The following RIMS2 variants were observed in gnomAD, a reference collection of about 807,000 sequenced individuals.
RIMS2 encodes the protein regulating synaptic membrane exocytosis 2.
In RIMS2, 59 loss-of-function variants were observed where a neutral mutation model predicts 174.4. The ratio of observed to expected loss-of-function variants is 0.34; its 90% confidence interval spans 0.27 to 0.42. The LOEUF is 0.42. Ranked by LOEUF, RIMS2 falls within the 10% of genes least tolerant of loss-of-function variation. The pLI is 1.00. For missense variants in RIMS2, 1,620 were observed against 1,666.3 expected, an observed-to-expected ratio of 0.97 and a Z score of 0.48; for synonymous variants, 606 against 572.5, an observed-to-expected ratio of 1.06 and a Z score of -0.84.
At chr8:104,100,619 C>A (rs559218994) in intron 19 of RIMS2, among the ~76,000 whole-genome samples, 1 of 151,542 alleles carries the variant, frequency 6.6e-6, no homozygotes. Flanking sequence ...GCTACTCATC[C>A]ATTTTAGAAT....
chr8:103,841,152 G>C (rs1421992488), intron 3 of RIMS2, among the ~76,000 whole-genome samples: 1 of 152,098 alleles, frequency 6.6e-6, no homozygotes, highest in East Asian at 1.9e-4. Context: ...CCTTAATGCT[G>C]CTGTTTAGGA....
intron 10 of RIMS2, among the ~76,000 whole-genome samples, chr8:103,922,929 G>A (rs1565335353): frequency 6.6e-6 from 1 of 151,782 alleles, no homozygotes; most frequent in African/African-American, 2.4e-5. Flanking sequence ...AGTTATGTAA[G>A]GAATATGTGA....
At chr8:103,546,797 C>T (rs1845327538) in intron 1 of RIMS2, among the ~76,000 whole-genome samples, 1 of 152,208 alleles carries the variant, frequency 6.6e-6, no homozygotes, top group South Asian at 2.1e-4. Flanking sequence ...GAGTCCCTGA[C>T]TCCCAGCCCC....
chr8:103,794,599 A>G (rs1351411263), intron 3 of RIMS2, among the ~76,000 whole-genome samples: 1 of 152,194 alleles, frequency 6.6e-6, no homozygotes, highest in Non-Finnish European at 1.5e-5. Flanking sequence ...TAATTAAACT[A>G]AAGAGCTTCT....
intron 1 of RIMS2, among the ~76,000 whole-genome samples, chr8:103,603,995 T>G (rs1588752801): frequency 2.0e-5 from 3 of 149,564 alleles, no homozygotes; most frequent in East Asian, 3.9e-4. Context: ...AGAAGCTCTT[T>G]AGTTTAATTA....
intron 1 of RIMS2, chr8:103,568,894 G>C (rs1489964504): frequency 9.0e-7 from 1 of 1,116,876 alleles, no homozygotes; most frequent in Non-Finnish European, 1.3e-6. Context: ...GAGGCAGGAA[G>C]ACCACATTGC....
At chr8:103,880,969 A>G (rs1003960760) in intron 3 of RIMS2, among the ~76,000 whole-genome samples, 2 of 151,430 alleles carry the variant, frequency 1.3e-5, no homozygotes, top group East Asian at 3.9e-4. Flanking sequence ...ACATTAGTTT[A>G]TTTAGCAATA....
chr8:103,780,799 G>T (rs887776296), intron 3 of RIMS2, among the ~76,000 whole-genome samples: 2 of 151,976 alleles, frequency 1.3e-5, no homozygotes, highest in African/African-American at 4.8e-5. Context: ...GCTTCTTGGG[G>T]ATGTCTTTCT....
intron 3 of RIMS2, among the ~76,000 whole-genome samples, chr8:103,788,816 G>A (rs2098468239): frequency 6.6e-6 from 1 of 152,248 alleles, no homozygotes; most frequent in South Asian, 2.1e-4. Flanking sequence ...GAGCTTGCTG[G>A]CTGCTTTGTT....
chr8:103,769,223 C>T (rs2098218874), intron 3 of RIMS2, among the ~76,000 whole-genome samples: 1 of 152,142 alleles, frequency 6.6e-6, no homozygotes. Context: ...GAATGCATTT[C>T]ATCAGGAAGT....
chr8:103,569,387 C>A (rs1257339692), intron 1 of RIMS2, among the ~76,000 whole-genome samples: 1 of 152,012 alleles, frequency 6.6e-6, no homozygotes, highest in Non-Finnish European at 1.5e-5. Flanking sequence ...TAGAACTGAT[C>A]TGAAAAAAAG....
At chr8:104,124,760 C>T (rs2098414935) in intron 19 of RIMS2, among the ~76,000 whole-genome samples, 1 of 152,148 alleles carries the variant, frequency 6.6e-6, no homozygotes, top group African/African-American at 2.4e-5. Context: ...TGGAGAATGT[C>T]CAGCTTTATG....
At position 104,195,706 on chromosome 8, in the gene RIMS2, G is replaced by A. The variant is rs13438959; in HGVS notation, c.3335-49210G>A. On this transcript the variant is annotated intron_variant, in intron 19 of 23. Transcript: ENST00000504942. ...ATTTTTTGTATTTTAGTAGAGATGG[G>A]GATTCACTGTATTGCCCAGGATGGC... is the stretch of plus-strand genomic sequence containing the variant. 9.9e-3 allele frequency among the ~76,000 whole-genome samples: 1,509 copies of A among 152,010 alleles called. 21 individuals carry two copies. Among genetic ancestry groups the A allele is most frequent in the African/African-American group, 0.033 (1,359 of 41,458 alleles).
chr8:103,709,499 T>C (rs1457201607), intron 2 of RIMS2, among the ~76,000 whole-genome samples: 2 of 152,164 alleles, frequency 1.3e-5, no homozygotes, highest in Non-Finnish European at 2.9e-5. Context: ...TTGATACTTT[T>C]ACACATTCTT....
At chr8:103,544,593 C>T in intron 1 of RIMS2, among the ~76,000 whole-genome samples, 1 of 152,224 alleles carries the variant, frequency 6.6e-6, no homozygotes, top group East Asian at 1.9e-4. Context: ...CCCAGTGGTC[C>T]CACTTCTGCC....
At chr8:104,068,672 C>A (rs984957260) in intron 19 of RIMS2, 60 bp downstream of exon 23, 4 of 831,210 alleles carry the variant, frequency 4.8e-6, no homozygotes, top group African/African-American at 3.4e-5. Context: ...CAGTTAGATT[C>A]TTTTAAACTA....
intron 1 of RIMS2, among the ~76,000 whole-genome samples, chr8:103,511,885 C>A (rs1826589589): frequency 6.6e-6 from 1 of 152,138 alleles, no homozygotes; most frequent in African/African-American, 2.4e-5. Flanking sequence ...TTCAGAGAAG[C>A]CCTTCCTGTG....
intron 1 of RIMS2, among the ~76,000 whole-genome samples, chr8:103,616,278 G>A (rs990392007): frequency 9.2e-5 from 14 of 151,996 alleles, no homozygotes; most frequent in Admixed American, 4.6e-4. Context: ...ACACATGATT[G>A]TCTCAATAGA....
chr8:104,036,137 A>AT (rs1316857200), intron 19 of RIMS2, among the ~76,000 whole-genome samples: 1 of 42,350 alleles, frequency 2.4e-5, no homozygotes, highest in African/African-American at 3.1e-4. Flanking sequence ...ATTTTATTTT[A>AT]TTTATTTATT....
Sources: allele counts gnomAD v4.1 joint callset (sites outside exome capture counted in the v4.1 genomes callset), GRCh38; gene constraint gnomAD v4.1.1; transcripts MANE v1.5; gene names NCBI Gene and HGNC (gene_info 2026-07-23, HGNC 2026-07-21).